Variants in SPPL3 observed in about 807,000 individuals in gnomAD.
The protein encoded by SPPL3 is signal peptide peptidase-like 3.
SPPL3 carries 5 observed loss-of-function variants against 42.4 expected under a neutral mutation model. The ratio of observed to expected loss-of-function variants is 0.12; its 90% CI spans 0.06 to 0.25. The LOEUF (loss-of-function observed/expected upper bound fraction) is 0.25, where lower values mean the gene tolerates loss of function less well. Ranked by LOEUF, SPPL3 falls within the 10% of genes least tolerant of loss-of-function variation. The pLI, the probability that SPPL3 is intolerant of heterozygous loss-of-function variation, is 1.00. For synonymous variants in SPPL3, 195 were observed against 181.8 expected (o/e 1.07, Z -0.58); for missense variants, 235 against 489.0 (o/e 0.48, Z 4.90).
At chr12:120,890,361 G>A (rs971111032) in intron 1 of SPPL3, among the ~76,000 whole-genome samples, 5 of 151,934 alleles carry the variant, frequency 3.3e-5, no homozygotes, top group African/African-American at 7.3e-5. Flanking sequence ...AGGCTGAGGC[G>A]GGCAGATCAC....
chr12:120,855,642 G>T (rs1399219721), intron 1 of SPPL3, among the ~76,000 whole-genome samples: 2 of 151,520 alleles, frequency 1.3e-5, no homozygotes, highest in Non-Finnish European at 2.9e-5. Context: ...AGCTGAGATC[G>T]TGCCACTGCA....
At chr12:120,814,943 C>T (rs990428768) in intron 1 of SPPL3, among the ~76,000 whole-genome samples, 5 of 152,172 alleles carry the variant, frequency 3.3e-5, no homozygotes, top group Non-Finnish European at 7.3e-5. Flanking sequence ...TTTTAAACAT[C>T]AGCATGATAG....
At chr12:120,804,694 A>G (rs913160962) in intron 2 of SPPL3, among the ~76,000 whole-genome samples, 3 of 152,012 alleles carry the variant, frequency 2.0e-5, no homozygotes, top group African/African-American at 7.2e-5. Flanking sequence ...AGCATTTCTT[A>G]AAATGTTAAG....
intron 1 of SPPL3, 146 bp downstream of exon 1, chr12:120,903,699 G>C: frequency 2.9e-6 from 2 of 694,742 alleles, no homozygotes; most frequent in Non-Finnish European, 4.3e-6. Context: ...GCCCCCTCCG[G>C]TGGGGAAGAG....
At position 120,763,808 on chromosome 12, in the gene SPPL3, CT is replaced by C. The variant is rs3078034; in HGVS notation, c.*1190del. 2.3e-4 allele frequency: 32 copies of C among 140,164 alleles called. No individual in the cohort carries two copies. The highest frequency in any genetic ancestry group is 5.1e-4 in the African/African-American group (19 of 37,322). The allele number at this position is 140,164 out of a possible 1,614,324, so 8.7% of individuals were successfully genotyped here. On this transcript the variant is annotated 3_prime_UTR_variant, in exon 11 of 11. Coordinates refer to ENST00000353487, the MANE Select transcript of SPPL3 (RefSeq NM_139015.5). Reference sequence around the variant, plus strand: ...AGGACAGGATTGTGTTGCTTTTTTCCTTTTTTTTTTTCTTAAAGGAGTGAGG... The same window carrying C: ...AGGACAGGATTGTGTTGCTTTTTTCCTTTTTTTTTTCTTAAAGGAGTGAGG...
intron 2 of SPPL3, among the ~76,000 whole-genome samples, chr12:120,802,333 A>ATG (rs1299013626): frequency 2.7e-5 from 4 of 147,292 alleles, no homozygotes; most frequent in African/African-American, 1.0e-4. Flanking sequence ...TGCTGCTTTT[A>ATG]TATATGTATG....
At chr12:120,871,146 A>AAAAAAAAAAAAG (rs1242592629) in intron 1 of SPPL3, among the ~76,000 whole-genome samples, 3 of 149,752 alleles carry the variant, frequency 2.0e-5, no homozygotes, top group African/African-American at 7.4e-5. Context: ...AAAAAAAAAA[A>AAAAAAAAAAAAG]AAAGAAAAAG....
At chr12:120,798,913 A>G (rs1870197481) in intron 2 of SPPL3, among the ~76,000 whole-genome samples, 1 of 152,164 alleles carries the variant, frequency 6.6e-6, no homozygotes, top group South Asian at 2.1e-4. Context: ...AGCCTCTCCC[A>G]TGAGACTGGG....
At chr12:120,884,730 A>G (rs1417653565) in intron 1 of SPPL3, among the ~76,000 whole-genome samples, 1 of 150,846 alleles carries the variant, frequency 6.6e-6, no homozygotes, top group African/African-American at 2.4e-5. Flanking sequence ...TTACAGTTTC[A>G]TAATTCCTTA....
intron 3 of SPPL3, among the ~76,000 whole-genome samples, chr12:120,789,343 A>T (rs991190961): frequency 2.7e-5 from 4 of 150,214 alleles, no homozygotes; most frequent in Middle Eastern, 3.5e-3. Context: ...AATCCCAGCT[A>T]CTCGGGAGGC....
intron 1 of SPPL3, among the ~76,000 whole-genome samples, chr12:120,895,415 G>A (rs1334717467): frequency 3.5e-5 from 5 of 143,214 alleles, no homozygotes; most frequent in Admixed American, 1.4e-4. Flanking sequence ...TGACAAGAGC[G>A]AAACTCCATC....
At chr12:120,881,465 C>CA (rs374467556) in intron 1 of SPPL3, among the ~76,000 whole-genome samples, 27,852 of 52,732 alleles carry the variant, frequency 0.53, 8,108 homozygotes, top group East Asian at 0.76. Context: ...GAGACTGCCT[C>CA]AAAAAAAAAA....
intron 1 of SPPL3, among the ~76,000 whole-genome samples, chr12:120,827,687 G>A (rs1871269652): frequency 3.9e-5 from 6 of 152,106 alleles, no homozygotes; most frequent in Admixed American, 3.9e-4. Flanking sequence ...CCTCAGCTGG[G>A]ATCATTAAGT....
rs950219286 is a variant in SPPL3 at position 120,807,113 on chromosome 12, A to T, written c.101+3696T>A. On this transcript the variant is annotated intron_variant, in intron 2 of 10. Transcript: ENST00000353487. ...ACTGAGAGAGAATTTTTGACTAGAC[A>T]TTTCACCAAAGAAGATAAACGGATG... Among the ~76,000 whole-genome samples, 4 of 152,182 alleles carry T rather than the reference A, an allele frequency of 2.6e-5. No individual in the cohort carries two copies. In the East Asian group the frequency reaches 7.7e-4, roughly 29 times the overall value.
intron 3 of SPPL3, among the ~76,000 whole-genome samples, 178 bp downstream of exon 3, chr12:120,791,291 A>T (rs1489700336): frequency 5.9e-5 from 9 of 152,342 alleles, no homozygotes; most frequent in Admixed American, 5.9e-4. Flanking sequence ...AAACATTTTT[A>T]TTAACGTTAT....
At chr12:120,831,115 T>A (rs1871413391) in intron 1 of SPPL3, among the ~76,000 whole-genome samples, 1 of 151,974 alleles carries the variant, frequency 6.6e-6, no homozygotes, top group Non-Finnish European at 1.5e-5. Context: ...TCAACTTCGG[T>A]CCTTAGACAT....
intron 1 of SPPL3, among the ~76,000 whole-genome samples, chr12:120,849,868 T>A (rs1017327947): frequency 6.6e-6 from 1 of 152,166 alleles, no homozygotes; most frequent in African/African-American, 2.4e-5. Context: ...TATAAAGACA[T>A]AATTCTAGCG....
intron 6 of SPPL3, among the ~76,000 whole-genome samples, chr12:120,781,554 CGTTTTTTTTTTTTTT>C (rs1869540666): frequency 1.0e-4 from 7 of 69,180 alleles, no homozygotes; most frequent in South Asian, 7.6e-4. Context: ...CTTATTGTTA[CGTTTTTTTTTTTTTT>C]TTTTTTTTTT....
At chr12:120,780,472 G>A (rs750581978) in intron 6 of SPPL3, among the ~76,000 whole-genome samples, 1 of 150,772 alleles carries the variant, frequency 6.6e-6, no homozygotes, top group Non-Finnish European at 1.5e-5. Context: ...AAAGCTGGGG[G>A]AGGCCAGGCA....
Sources: allele counts gnomAD v4.1 joint callset (sites outside exome capture counted in the v4.1 genomes callset), GRCh38; gene constraint gnomAD v4.1.1; transcripts MANE v1.5; gene names NCBI Gene and HGNC (gene_info 2026-07-23, HGNC 2026-07-21).